GPR139: variants seen among roughly 807,000 people sequenced by gnomAD.
GPR139 encodes the protein G protein-coupled receptor 139.
In GPR139, 12 loss-of-function variants were observed where a neutral mutation model predicts 25.8. The observed-to-expected ratio is 0.47, with a 90% CI of 0.30 to 0.75. The LOEUF (loss-of-function observed/expected upper bound fraction) is 0.75. GPR139 is among the 30% of genes least tolerant of loss of function. The probability of loss-of-function intolerance (pLI) is 0.07; values close to 1 mark genes in which losing one functional copy is unlikely to be tolerated. For missense variants in GPR139, 380 were observed against 450.2 expected, an observed-to-expected ratio of 0.84 and a Z score of 1.41; for synonymous variants, 184 against 179.9, an observed-to-expected ratio of 1.02 and a Z score of -0.18.
chr16:20,041,383 GGT>G (rs1003159048), intron 1 of GPR139, among the ~76,000 whole-genome samples: 3 of 151,410 alleles, frequency 2.0e-5, no homozygotes, highest in African/African-American at 7.3e-5. Flanking sequence ...GCTTCTGGGA[GGT>G]GCTCCAAGGA....
rs2057288876 is a variant in GPR139 at position 20,031,635 on chromosome 16, C to T, written c.*100G>A. On this transcript the variant is annotated 3_prime_UTR_variant, in exon 2 of 2. Coordinates refer to ENST00000570682, the MANE Select transcript of GPR139 (RefSeq NM_001002911.4). The stretch of plus-strand genomic sequence containing the variant: ...GCCCAGTCTGCGGGAGACAGGAAAT[C>T]GGATTAGCACTCTTAAGGAGAGCTG... 1.5e-5 allele frequency: 13 copies of T among 863,798 alleles called. No individual in the cohort carries two copies. Among genetic ancestry groups the T allele is most frequent in the Non-Finnish European group, 2.3e-5 (12 of 532,024 alleles). 53.5% of individuals were successfully genotyped at this position (863,798 alleles called of 1,614,324 possible).
chr16:20,037,336 C>T (rs1244229549), intron 1 of GPR139, among the ~76,000 whole-genome samples: 1 of 151,638 alleles, frequency 6.6e-6, no homozygotes, highest in Non-Finnish European at 1.5e-5. Context: ...CCTATAATCG[C>T]AGCTACTCGG....
At position 20,032,581 on chromosome 16, in the gene GPR139, G is replaced by A. The variant is rs766041904; in HGVS notation, c.216C>T (p.Ala72=). ...CTATGAAAAAGAGGACCAAGATGTC[G>A]GCAGCAGCGAGTGCCAAGAGATAGT... The part of the protein sequence containing the change: ...SYNYLLALAA[A]DILVLFFIVF... Residue 72 remains alanine (A), a synonymous_variant, in exon 2 of 2, where the codon GCC becomes GCT. Transcript: ENST00000570682. 2 of 1,614,118 alleles carry A rather than the reference G, an allele frequency of 1.2e-6. No individual in the cohort carries two copies. Among genetic ancestry groups the A allele is most frequent in the East Asian group, 2.2e-5 (1 of 44,874 alleles).
intron 1 of GPR139, among the ~76,000 whole-genome samples, chr16:20,058,279 T>C (rs1159801131): frequency 1.3e-5 from 2 of 152,106 alleles, no homozygotes; most frequent in Non-Finnish European, 2.9e-5. Flanking sequence ...GAAAGGCATT[T>C]AGAATGGCTG....
chr16:20,055,639 A>G (rs2057386320), intron 1 of GPR139, among the ~76,000 whole-genome samples: 1 of 152,204 alleles, frequency 6.6e-6, no homozygotes, highest in Admixed American at 6.5e-5. Flanking sequence ...AGCCTTTACC[A>G]TTCTATCTCC....
chr16:20,071,259 G>A (rs1212961263), intron 1 of GPR139, among the ~76,000 whole-genome samples: 2 of 152,222 alleles, frequency 1.3e-5, no homozygotes, highest in African/African-American at 4.8e-5. Flanking sequence ...GGACATGCTT[G>A]TCTCCCCTTA....
rs184837757 is a variant in GPR139 at position 20,047,618 on chromosome 16, T to C, written c.128-14949A>G. ...TCTATATCAAGGTTCCAGAACATGT[T>C]TTATGGTTCATTTACATACCCAGGG... On this transcript the variant is annotated intron_variant, in intron 1 of 1. Transcript: ENST00000570682. Among the ~76,000 whole-genome samples, 196 of 152,346 alleles carry C rather than the reference T, an allele frequency of 1.3e-3. 1 individual carries two copies. Among genetic ancestry groups the C allele is most frequent in the Admixed American group, 5.3e-3 (81 of 15,310 alleles).
chr16:20,038,623 G>C (rs1164498826), intron 1 of GPR139, among the ~76,000 whole-genome samples: 1 of 151,958 alleles, frequency 6.6e-6, no homozygotes, highest in African/African-American at 2.4e-5. Context: ...CATTTCTTTT[G>C]TACAGGTAGA....
chr16:20,056,466 T>C (rs1299326924), intron 1 of GPR139, among the ~76,000 whole-genome samples: 1 of 152,174 alleles, frequency 6.6e-6, no homozygotes, highest in Non-Finnish European at 1.5e-5. Context: ...CTTTGACAGC[T>C]TTGTGTCTAT....
chr16:20,064,861 G>C (rs16969500), intron 1 of GPR139, among the ~76,000 whole-genome samples: 23,794 of 152,136 alleles, frequency 0.16, 2,114 homozygotes, highest in East Asian at 0.27. Flanking sequence ...GACACTTCCT[G>C]TTCCAAAACA....
At position 20,070,433 on chromosome 16, in the gene GPR139, A is replaced by C. The variant is rs150837064; in HGVS notation, c.127+3057T>G. On this transcript the variant is annotated intron_variant, in intron 1 of 1. Transcript: ENST00000570682. Reference sequence around the variant, plus strand: ...TGCCCCCATTTTGCAGATGGGGAAAATTATGATGAAGAGAGGTGAAGAGTT... The same window carrying C: ...TGCCCCCATTTTGCAGATGGGGAAACTTATGATGAAGAGAGGTGAAGAGTT... Among the ~76,000 whole-genome samples, 256 of 152,290 alleles carry C rather than the reference A, an allele frequency of 1.7e-3. 4 individuals carry two copies. The highest frequency in any genetic ancestry group is 5.8e-3 in the African/African-American group (243 of 41,556).
At chr16:20,042,400 C>T (rs2057339457) in intron 1 of GPR139, among the ~76,000 whole-genome samples, 1 of 152,130 alleles carries the variant, frequency 6.6e-6, no homozygotes, top group African/African-American at 2.4e-5. Context: ...CTAGCTTCTC[C>T]CCATGGCACA....
intron 1 of GPR139, among the ~76,000 whole-genome samples, chr16:20,062,853 T>G (rs981837785): frequency 3.2e-4 from 48 of 152,322 alleles, no homozygotes; most frequent in African/African-American, 1.1e-3. Context: ...TGATGAGATA[T>G]TTAACTTTTT....
In GPR139 at chr16:20,032,253, C is replaced by T. The variant is rs773441202; in HGVS notation, c.544G>A (p.Val182Ile). Reference sequence around the variant, plus strand: ...GTGAAGCAGTGGATCCAGATGAGGACGTGATGCACAGAGGTGCTGATGTAG... The same window carrying T: ...GTGAAGCAGTGGATCCAGATGAGGATGTGATGCACAGAGGTGCTGATGTAG... ...EDYISTSVHH[V>I]LIWIHCFTVY... Residue 182 changes from valine (V) to isoleucine (I), a missense_variant, in exon 2 of 2, where the codon GTC (valine) becomes ATC (isoleucine). Transcript: ENST00000570682. 2.5e-6 allele frequency: 4 copies of T among 1,614,132 alleles called. No individual in the cohort carries two copies. The highest frequency in any genetic ancestry group is 2.2e-5 in the South Asian group (2 of 91,080).
Position 20,031,226 on chromosome 16 carries a change from C to T in GPR139, c.*509G>A, listed in dbSNP as rs752738098. 6.6e-6 allele frequency among the ~76,000 whole-genome samples: 1 copy of T among 152,098 alleles called. No individual in the cohort carries two copies. Among genetic ancestry groups the T allele is most frequent in the African/African-American group, 2.4e-5 (1 of 41,474 alleles). On this transcript the variant is annotated 3_prime_UTR_variant, in exon 2 of 2. Transcript: ENST00000570682. The stretch of plus-strand genomic sequence containing the variant: ...CCAGAGCCAATTCAAGACCACAACC[C>T]TCTCTAGGACAAAGGGCACCTTGAA...
At position 20,030,884 on chromosome 16, in the gene GPR139, CAAG is replaced by C. The variant is rs2057285390; in HGVS notation, c.*848_*850del. 6.6e-6 allele frequency among the ~76,000 whole-genome samples: 1 copy of C among 152,190 alleles called. No individual in the cohort carries two copies. On this transcript the variant is annotated 3_prime_UTR_variant, in exon 2 of 2. Transcript: ENST00000570682. ...CTAGGAAGCTGGAGTGATACCATAA[CAAG>C]AAGCAATTTTGAGTAACGGGATCGT...
Position 20,041,233 on chromosome 16 carries a change from GA to G in GPR139, c.128-8565del, listed in dbSNP as rs2057332829. 3.6e-4 allele frequency among the ~76,000 whole-genome samples: 2 copies of G among 5,490 alleles called. 1 individual carries two copies. The highest frequency in any genetic ancestry group is 1.4e-3 in the African/African-American group (2 of 1,430). 3.6% of individuals were successfully genotyped at this position (5,490 alleles called of 152,430 possible). Reference sequence around the variant, plus strand: ...GAGGAGAGGAGAGGAGAGGAGAGGAGAGGAGAGGAGAGGAGAGGGAAGGAGA... The same window carrying G: ...GAGGAGAGGAGAGGAGAGGAGAGGAGGGAGAGGAGAGGAGAGGGAAGGAGA... On this transcript the variant is annotated intron_variant, in intron 1 of 1. Coordinates refer to ENST00000570682, the MANE Select transcript of GPR139 (RefSeq NM_001002911.4).
At chr16:20,043,796 C>T (rs2057344706) in intron 1 of GPR139, among the ~76,000 whole-genome samples, 1 of 152,140 alleles carries the variant, frequency 6.6e-6, no homozygotes, top group Non-Finnish European at 1.5e-5. Flanking sequence ...GTCACAAAGA[C>T]AGATGGGGTC....
At chr16:20,066,326 G>C (rs991889696) in intron 1 of GPR139, among the ~76,000 whole-genome samples, 2 of 152,198 alleles carry the variant, frequency 1.3e-5, no homozygotes, top group South Asian at 4.1e-4. Flanking sequence ...AACCTTGCTG[G>C]TGGTGTTTGT....
Sources: gnomAD v4.1 joint callset for allele counts (sites outside exome capture counted in the v4.1 genomes callset) on GRCh38, gnomAD v4.1.1 for gene constraint, MANE v1.5 for transcripts, NCBI Gene and HGNC (gene_info 2026-07-23, HGNC 2026-07-21) for gene names.